The following DOCK9 variants were observed in gnomAD, a reference collection of about 807,000 sequenced individuals.
DOCK9 encodes dedicator of cytokinesis protein 9.
Under a neutral mutation model 263.3 loss-of-function variants are expected in DOCK9, and 89 were observed. The observed-to-expected ratio is 0.34, with a 90% CI of 0.28 to 0.40. The LOEUF (loss-of-function observed/expected upper bound fraction) is 0.40, where lower values mean the gene tolerates loss of function less well. DOCK9 is among the 10% of genes least tolerant of loss of function. The probability of loss-of-function intolerance (pLI) is 1.00; values close to 1 mark genes in which losing one functional copy is unlikely to be tolerated. For missense variants in DOCK9, 2,140 were observed against 2,603.4 expected, an observed-to-expected ratio of 0.82 and a Z score of 3.87; for synonymous variants, 976 against 973.1, an observed-to-expected ratio of 1.00 and a Z score of -0.06.
In DOCK9 at chr13:98,825,805, C is replaced by T. The variant is rs1308131336; in HGVS notation, c.5023+1025G>A. The T allele has an allele frequency of 3.6e-6, 4 of 1,109,114 alleles. No homozygotes were observed. The highest frequency in any genetic ancestry group is 2.3e-5 in the South Asian group (1 of 44,352). 68.7% of individuals were successfully genotyped at this position (1,109,114 alleles called of 1,614,324 possible). ...CATGCAAAGTTAAAAGGGCAAATCC[C>T]CCACCACGGGAGGGCACGTGACCAG... On this transcript the variant is annotated intron_variant, in intron 44 of 52. Coordinates refer to ENST00000682017, the MANE Select transcript of DOCK9 (RefSeq NM_001366683.2). The surrounding 1 kb of genome is among the most constrained non-coding windows in gnomAD (Gnocchi z 4.1).
At chr13:99,029,720 C>T (rs922675392) in intron 1 of DOCK9, among the ~76,000 whole-genome samples, 2 of 152,198 alleles carry the variant, frequency 1.3e-5, no homozygotes, top group African/African-American at 4.8e-5. Flanking sequence ...AACCCTCATA[C>T]ATTGCTGACA....
At chr13:98,863,299 A>G in intron 31 of DOCK9, 71 bp downstream of exon 31, 1 of 1,557,876 alleles carries the variant, frequency 6.4e-7, no homozygotes. Flanking sequence ...TTTCTAACTG[A>G]TTACTTTCTT....
chr13:98,804,883 G>C, intron 49 of DOCK9, 116 bp downstream of exon 49: 1 of 972,868 alleles, frequency 1.0e-6, no homozygotes, highest in African/African-American at 1.6e-5. Context: ...AAATGGGTGT[G>C]GGGGTGGCTA....
At chr13:98,922,686 T>TTA (rs1222733527) in intron 5 of DOCK9, among the ~76,000 whole-genome samples, 1 of 152,204 alleles carries the variant, frequency 6.6e-6, no homozygotes, top group Non-Finnish European at 1.5e-5. Context: ...GTGGCTAATG[T>TTA]TATAGCTCAG....
chr13:98,836,910 C>A (rs2093022284), intron 39 of DOCK9, among the ~76,000 whole-genome samples: 1 of 152,002 alleles, frequency 6.6e-6, no homozygotes, highest in South Asian at 2.1e-4. Flanking sequence ...TGGAAGTAAT[C>A]ATTTAGCAAG....
At chr13:99,068,444 G>A (rs2041523239) in intron 1 of DOCK9, among the ~76,000 whole-genome samples, 1 of 152,162 alleles carries the variant, frequency 6.6e-6, no homozygotes, top group Non-Finnish European at 1.5e-5. Flanking sequence ...AATTAGCTGG[G>A]CACAGTGGTG....
At chr13:98,857,187 CTG>C (rs1190327834) in intron 33 of DOCK9, 2 of 152,216 alleles carry the variant, frequency 1.3e-5, no homozygotes, top group Admixed American at 6.5e-5. Flanking sequence ...GATTTGGACT[CTG>C]TGTCTGGCAG....
intron 1 of DOCK9, among the ~76,000 whole-genome samples, chr13:99,032,364 A>G (rs975295389): frequency 6.6e-6 from 1 of 151,882 alleles, no homozygotes; most frequent in African/African-American, 2.4e-5. Flanking sequence ...TAGTCCCAGC[A>G]TCTTGGGAGG....
chr13:98,866,234 G>A (rs2094018836), intron 30 of DOCK9, among the ~76,000 whole-genome samples: 1 of 152,110 alleles, frequency 6.6e-6, no homozygotes, highest in Non-Finnish European at 1.5e-5. Flanking sequence ...GCCGGGGATT[G>A]TCATCCAGGT....
At chr13:98,964,850 A>AGACG (rs1477413044) in intron 1 of DOCK9, among the ~76,000 whole-genome samples, 13 of 152,324 alleles carry the variant, frequency 8.5e-5, no homozygotes, top group African/African-American at 3.1e-4. Flanking sequence ...CAGGCCTCCC[A>AGACG]GATGGACGTG....
At position 98,825,874 on chromosome 13, in the gene DOCK9, C is replaced by T; in HGVS notation, c.5023+956G>A. The T allele has an allele frequency of 6.5e-7, 1 of 1,534,512 alleles. No homozygotes were observed. The highest frequency in any genetic ancestry group is 8.8e-7 in the Non-Finnish European group (1 of 1,138,008). Reference sequence around the variant, plus strand: ...GCTGGGCTGATCCTCAGGCTCACCTCCCCGGCTCCTCCTCAGGCAGGCGCT... The same window carrying T: ...GCTGGGCTGATCCTCAGGCTCACCTTCCCGGCTCCTCCTCAGGCAGGCGCT... On this transcript the variant is annotated intron_variant, in intron 44 of 52. Transcript: ENST00000682017. This position sits in a 1 kb window ranked among gnomAD's most constrained non-coding sequence, Gnocchi z 4.1.
exon 1 of DOCK9, chr13:99,086,223 C>T (rs2042336604): frequency 2.7e-6 from 4 of 1,502,408 alleles, no homozygotes; most frequent in African/African-American, 1.5e-5. Flanking sequence ...CCGCACTCAC[C>T]AGGAGCACGG....
rs1481157245 is a variant in DOCK9 at position 98,888,165 on chromosome 13, G to T, written c.2036C>A (p.Pro679His). The T allele has an allele frequency of 1.2e-6, 2 of 1,602,688 alleles. No individual in the cohort carries two copies. The highest frequency in any genetic ancestry group is 1.7e-6 in the Non-Finnish European group (2 of 1,174,686). ...FKDSDEEDSQ[P>H]LKCIYGRPGG... ...TATTAAAAAAAAACAAACCTTAAGG[G>T]GCTGAGAGTCTTCCTCATCTGAATC... The change falls in exon 18 of 53, where the codon CCC (proline) becomes CAC (histidine). Residue 679 changes from proline to histidine, a missense_variant. Pro to His is a moderately conservative substitution (Grantham distance 77). Around this residue, in one of 2 missense-constraint regions of DOCK9, gnomAD observed 1,521 missense variants for 1,741.7 expected, o/e 0.87. Transcript: ENST00000682017.
At chr13:98,882,058 G>A in intron 23 of DOCK9, 51 bp from the exon 24 acceptor site, 1 of 1,428,004 alleles carries the variant, frequency 7.0e-7, no homozygotes. Context: ...AAGTAAACCA[G>A]CCTAAAGTAA....
intron 2 of DOCK9, among the ~76,000 whole-genome samples, chr13:98,952,290 C>A (rs1024240330): frequency 2.6e-5 from 4 of 152,038 alleles, no homozygotes; most frequent in Admixed American, 2.0e-4. Flanking sequence ...GGCTGGAATG[C>A]AGTGGCACGA....
At chr13:99,085,942 A>C (rs1280012824) in intron 1 of DOCK9, among the ~76,000 whole-genome samples, 3 of 152,074 alleles carry the variant, frequency 2.0e-5, no homozygotes, top group African/African-American at 7.2e-5. Flanking sequence ...GAAAAGAGTG[A>C]CAGGGCGACA....
chr13:98,904,739 C>A (rs929852503), intron 9 of DOCK9, 33 bp from the exon 10 acceptor site: 4 of 1,526,218 alleles, frequency 2.6e-6, no homozygotes, highest in Non-Finnish European at 3.5e-6. Context: ...TTACATTTAA[C>A]ACAATCCTTT....
chr13:99,012,617 G>C (rs146843904), intron 1 of DOCK9, among the ~76,000 whole-genome samples: 4 of 152,304 alleles, frequency 2.6e-5, no homozygotes, highest in African/African-American at 9.6e-5. Context: ...TGAAGATAAA[G>C]TCAGCCTATC....
intron 9 of DOCK9, among the ~76,000 whole-genome samples, chr13:98,907,617 C>CA (rs1298748678): frequency 6.6e-6 from 1 of 152,116 alleles, no homozygotes; most frequent in Non-Finnish European, 1.5e-5. Flanking sequence ...GCTTTAGATG[C>CA]AAAAATAACC....
Sources: gnomAD v4.1 joint callset for allele counts (sites outside exome capture counted in the v4.1 genomes callset) on GRCh38, gnomAD v4.1.1 for gene constraint, gnomAD v4.1.1 regional missense constraint, Gnocchi (gnomAD v3.1) non-coding constraint, MANE v1.5 for transcripts, NCBI Gene and HGNC (gene_info 2026-07-23, HGNC 2026-07-21) for gene names.